The following GRID2 variants were observed in gnomAD, a reference collection of about 807,000 sequenced individuals.
The protein encoded by GRID2 is glutamate ionotropic receptor delta type subunit 2, also known as glutamate receptor ionotropic, delta-2.
A neutral mutation model predicts 114.8 loss-of-function variants in GRID2; 33 were observed. The ratio of observed to expected loss-of-function variants is 0.29; its 90% CI spans 0.22 to 0.38. The LOEUF (loss-of-function observed/expected upper bound fraction) is 0.38. Ranked by LOEUF, GRID2 falls within the 10% of genes least tolerant of loss-of-function variation. The pLI is 1.00. For synonymous variants in GRID2, 505 were observed against 449.9 expected (o/e 1.12, Z -1.55); for missense variants, 1,184 against 1,257.7 (o/e 0.94, Z 0.89).
intron 14 of GRID2, among the ~76,000 whole-genome samples, chr4:93,750,143 A>G (rs1038414955): frequency 6.6e-6 from 1 of 152,240 alleles, no homozygotes; most frequent in African/African-American, 2.4e-5. Flanking sequence ...CACAAAATCT[A>G]TAAGACACCA....
intron 1 of GRID2, among the ~76,000 whole-genome samples, chr4:92,563,741 A>G (rs1289635144): frequency 6.6e-6 from 1 of 152,092 alleles, no homozygotes; most frequent in African/African-American, 2.4e-5. Context: ...ATGACATCTT[A>G]AATATAATTG....
At chr4:92,498,520 T>A (rs1723508243) in intron 1 of GRID2, among the ~76,000 whole-genome samples, 1 of 151,964 alleles carries the variant, frequency 6.6e-6, no homozygotes, top group Non-Finnish European at 1.5e-5. Context: ...TTTTTAATTT[T>A]AAAATATCAT....
At chr4:92,467,235 CTT>C (rs1308455359) in intron 1 of GRID2, among the ~76,000 whole-genome samples, 16 of 151,798 alleles carry the variant, frequency 1.1e-4, no homozygotes, top group African/African-American at 3.4e-4. Flanking sequence ...TTGATTATAA[CTT>C]TAAGTTTTAA....
chr4:93,198,908 C>G (rs903318713), intron 4 of GRID2, among the ~76,000 whole-genome samples: 1 of 152,008 alleles, frequency 6.6e-6, no homozygotes, highest in African/African-American at 2.4e-5. Flanking sequence ...GCCAATTTAC[C>G]CCCAAATCAT....
intron 8 of GRID2, among the ~76,000 whole-genome samples, chr4:93,372,538 T>C (rs913294965): frequency 2.0e-5 from 3 of 152,096 alleles, no homozygotes; most frequent in African/African-American, 7.2e-5. Flanking sequence ...TCTTTTCTCT[T>C]TTTTCTGGGC....
At chr4:93,110,531 TCCATTTAAA>T (rs936869283) in intron 3 of GRID2, among the ~76,000 whole-genome samples, 2 of 152,138 alleles carry the variant, frequency 1.3e-5, no homozygotes. Context: ...TAGAAAGAAA[TCCATTTAAA>T]AAATAACAAT....
At chr4:93,778,690 G>A (rs550967331), downstream of GRID2, among the ~76,000 whole-genome samples, 3 of 152,132 alleles carry the variant, frequency 2.0e-5, no homozygotes, top group South Asian at 2.1e-4. Context: ...GAGCCACCAC[G>A]CCCAGTCTTA....
intron 4 of GRID2, among the ~76,000 whole-genome samples, chr4:93,154,745 CA>C (rs1385975386): frequency 1.3e-5 from 2 of 151,318 alleles, no homozygotes; most frequent in Admixed American, 1.3e-4. Flanking sequence ...GGCAAAAAAA[CA>C]AAAACAAAAA....
intron 14 of GRID2, among the ~76,000 whole-genome samples, chr4:93,656,904 C>T (rs1297183216): frequency 7.1e-6 from 1 of 140,210 alleles, no homozygotes; most frequent in Non-Finnish European, 1.5e-5. Flanking sequence ...ATAAGAGGTT[C>T]AATTTTTTCT....
Position 92,963,570 on chromosome 4 carries a change from A to G in GRID2, c.245-121425A>G, listed in dbSNP as rs180978599. Among the ~76,000 whole-genome samples the G allele has an allele frequency of 1.9e-3, 289 of 151,822 alleles. 1 individual carries two copies. The Middle Eastern group carries it at 0.024, about 13-fold the overall frequency. ...ATCTTCAGGCTCTACTTCTAATACT[A>G]TTTCTCTTGTTATTTTTACCACAAC... On this transcript the variant is annotated intron_variant, in intron 2 of 15. Transcript: ENST00000282020.
At chr4:93,569,788 C>T (rs535008030) in intron 13 of GRID2, among the ~76,000 whole-genome samples, 3 of 152,046 alleles carry the variant, frequency 2.0e-5, no homozygotes, top group African/African-American at 4.8e-5. Flanking sequence ...TCTGACTGTG[C>T]TGTTCTCTCA....
intron 1 of GRID2, among the ~76,000 whole-genome samples, chr4:92,567,527 A>G (rs114225329): frequency 3.5e-4 from 54 of 152,116 alleles, no homozygotes; most frequent in African/African-American, 1.2e-3. Flanking sequence ...TATTTGCGCT[A>G]ATAAATCTAA....
chr4:93,089,586 C>T (rs900042909), intron 3 of GRID2, among the ~76,000 whole-genome samples: 3 of 152,100 alleles, frequency 2.0e-5, no homozygotes, highest in South Asian at 4.1e-4. Context: ...GTTTACCTGC[C>T]TGGCTCAATA....
intron 14 of GRID2, among the ~76,000 whole-genome samples, chr4:93,733,852 T>C (rs1229068096): frequency 2.0e-5 from 3 of 152,082 alleles, no homozygotes; most frequent in Non-Finnish European, 4.4e-5. Flanking sequence ...ATGGTCTATG[T>C]AGGACAGACC....
At position 92,999,745 on chromosome 4, in the gene GRID2, G is replaced by A. The variant is rs1290650597; in HGVS notation, c.245-85250G>A. ...TTTGACCGTTATATATTTTTTTCAAGACAGCCATAAGATATATAATTGCTG... is the reference window on the plus strand; with the variant it reads ...TTTGACCGTTATATATTTTTTTCAAAACAGCCATAAGATATATAATTGCTG... On this transcript the variant is annotated intron_variant, in intron 2 of 15. Coordinates refer to ENST00000282020, the MANE Select transcript of GRID2 (RefSeq NM_001510.4). Among the ~76,000 whole-genome samples the A allele has an allele frequency of 2.0e-5, 3 of 151,234 alleles. No homozygotes were observed. The Admixed American group carries it at 2.0e-4, about 10-fold the overall frequency.
chr4:93,005,429 G>A (rs540092415), intron 2 of GRID2, among the ~76,000 whole-genome samples: 1 of 152,104 alleles, frequency 6.6e-6, no homozygotes, highest in African/African-American at 2.4e-5. Context: ...TTAGAGTACT[G>A]CAATAACCTC....
At chr4:93,741,188 T>TATATATATATAC (rs1731369781) in intron 14 of GRID2, among the ~76,000 whole-genome samples, 3 of 30,934 alleles carry the variant, frequency 9.7e-5, no homozygotes, top group South Asian at 2.5e-3. Context: ...TATATATATA[T>TATATATATATAC]ATATATATAT....
chr4:93,193,567 A>G (rs552805400), intron 4 of GRID2, among the ~76,000 whole-genome samples: 135 of 152,254 alleles, frequency 8.9e-4, no homozygotes, highest in African/African-American at 3.1e-3. Flanking sequence ...CCCCAGCCAC[A>G]CTGAACTGTG....
chr4:92,407,973 GT>G (rs1731105383), intron 1 of GRID2, among the ~76,000 whole-genome samples: 2 of 152,010 alleles, frequency 1.3e-5, no homozygotes, highest in South Asian at 4.1e-4. Flanking sequence ...GTTTGTTGAA[GT>G]TGCATTTGGG....
Sources: gnomAD v4.1 joint callset for allele counts (sites outside exome capture counted in the v4.1 genomes callset) on GRCh38, gnomAD v4.1.1 for gene constraint, MANE v1.5 for transcripts, NCBI Gene and HGNC (gene_info 2026-07-23, HGNC 2026-07-21) for gene names.